SGCZ: variants seen among roughly 807,000 people sequenced by gnomAD.
The protein encoded by SGCZ is zeta-sarcoglycan.
A neutral mutation model predicts 41.3 loss-of-function variants in SGCZ; 40 were observed. The observed-to-expected ratio is 0.97, with a 90% CI of 0.75 to 1.26. The LOEUF is 1.26. SGCZ is among the 50% of genes most tolerant of loss of function. The pLI is 0.00. For missense variants in SGCZ, 552 were observed against 369.8 expected (o/e 1.49, Z -4.04); for synonymous variants, 206 against 137.5 (o/e 1.50, Z -3.49).
At chr8:15,234,880 C>G (rs905677637) in intron 1 of SGCZ, among the ~76,000 whole-genome samples, 3 of 151,918 alleles carry the variant, frequency 2.0e-5, no homozygotes, top group Non-Finnish European at 4.4e-5. Context: ...AACAATGACA[C>G]TGATCATCTA....
intron 1 of SGCZ, among the ~76,000 whole-genome samples, chr8:14,829,470 G>C (rs114874547): frequency 5.3e-5 from 8 of 152,008 alleles, no homozygotes; most frequent in African/African-American, 9.7e-5. Flanking sequence ...ACTTCTTGAA[G>C]TCCCCTTGTA....
chr8:14,845,280 T>C lies in SGCZ; in HGVS notation c.40-290354A>G, dbSNP rs115191435. 7.0e-3 allele frequency among the ~76,000 whole-genome samples: 1,066 copies of C among 152,198 alleles called. 13 individuals are homozygous for C. The highest frequency in any genetic ancestry group is 0.025 in the African/African-American group (1,024 of 41,510). On this transcript the variant is annotated intron_variant, in intron 1 of 7. Transcript: ENST00000382080. Reference sequence around the variant, plus strand: ...TGTCTCAGTAGTAGGGAATAATTATTCCTACACTGAGTACTGCTCCAGACA... The same window carrying C: ...TGTCTCAGTAGTAGGGAATAATTATCCCTACACTGAGTACTGCTCCAGACA...
intron 1 of SGCZ, among the ~76,000 whole-genome samples, chr8:14,756,571 G>A (rs746046653): frequency 2.0e-5 from 3 of 152,132 alleles, no homozygotes; most frequent in Non-Finnish European, 4.4e-5. Flanking sequence ...ACATCATTAT[G>A]AGTTTGCATT....
chr8:14,106,610 CTT>C (rs1305754715), intron 6 of SGCZ, among the ~76,000 whole-genome samples: 2 of 152,218 alleles, frequency 1.3e-5, no homozygotes, highest in East Asian at 3.9e-4. Flanking sequence ...AGATTTTCAA[CTT>C]TATTTATTTT....
rs139165235 is a variant in SGCZ at position 14,798,200 on chromosome 8, C to G, written c.40-243274G>C. On this transcript the variant is annotated intron_variant, in intron 1 of 7. Coordinates refer to ENST00000382080, the MANE Select transcript of SGCZ (RefSeq NM_139167.4). ...TTATGTACAGAAATCGTTTTAAAAA[C>G]TCCCACCCAGTTGATATAAAAAATC... Among the ~76,000 whole-genome samples, 604 of 152,284 alleles carry G rather than the reference C, an allele frequency of 4.0e-3. 6 individuals carry two copies. Among genetic ancestry groups the G allele is most frequent in the Non-Finnish European group, 5.1e-3 (350 of 68,016 alleles).
intron 4 of SGCZ, among the ~76,000 whole-genome samples, chr8:14,237,197 T>A (rs978188068): frequency 6.6e-6 from 1 of 152,102 alleles, no homozygotes; most frequent in Non-Finnish European, 1.5e-5. Flanking sequence ...TCAAGAGTAA[T>A]GACCAGCAAA....
At position 14,185,442 on chromosome 8, in the gene SGCZ, G is replaced by A. The variant is rs988646787; in HGVS notation, c.425-20740C>T. 5.9e-5 allele frequency among the ~76,000 whole-genome samples: 9 copies of A among 151,898 alleles called. No homozygotes were observed. The East Asian group carries it at 1.2e-3, about 20-fold the overall frequency. On this transcript the variant is annotated intron_variant, in intron 4 of 7. Transcript: ENST00000382080. ...AATAAAATAAAAAAACAAAAAATCT[G>A]GCTTTCATTCTCATTACTCAGCTTC...
At chr8:14,103,308 T>C (rs1013323224) in intron 6 of SGCZ, among the ~76,000 whole-genome samples, 2 of 152,088 alleles carry the variant, frequency 1.3e-5, no homozygotes, top group African/African-American at 4.8e-5. Flanking sequence ...GGAACTAGAA[T>C]ACAGTGGTAA....
At chr8:14,834,338 T>C (rs985417606) in intron 1 of SGCZ, among the ~76,000 whole-genome samples, 5 of 152,218 alleles carry the variant, frequency 3.3e-5, no homozygotes, top group African/African-American at 1.2e-4. Flanking sequence ...TTGCAAAAAT[T>C]ATTTTGGTAA....
At chr8:14,162,570 TCTC>T (rs1175440021) in intron 5 of SGCZ, 1 of 152,256 alleles carries the variant, frequency 6.6e-6, no homozygotes, top group Non-Finnish European at 1.5e-5. Context: ...TTGTCCCTGC[TCTC>T]CTAACTCAGG....
At chr8:14,632,198 T>A (rs1298839741) in intron 1 of SGCZ, among the ~76,000 whole-genome samples, 1 of 151,886 alleles carries the variant, frequency 6.6e-6, no homozygotes, top group Non-Finnish European at 1.5e-5. Flanking sequence ...TTTAAGATTT[T>A]TTTTTATAGA....
intron 4 of SGCZ, among the ~76,000 whole-genome samples, chr8:14,208,955 T>C (rs1805706783): frequency 6.6e-6 from 1 of 152,116 alleles, no homozygotes; most frequent in East Asian, 1.9e-4. Flanking sequence ...GCCTGTAAAA[T>C]CAAGCTGCAG....
chr8:14,371,920 C>G (rs62497839), intron 2 of SGCZ, among the ~76,000 whole-genome samples: 29,312 of 151,890 alleles, frequency 0.19, 3,542 homozygotes, highest in Non-Finnish European at 0.28. Flanking sequence ...TCAATATAGG[C>G]TGGAATAAAC....
chr8:14,364,966 C>G (rs1803645228), intron 2 of SGCZ, among the ~76,000 whole-genome samples: 1 of 152,064 alleles, frequency 6.6e-6, no homozygotes, highest in African/African-American at 2.4e-5. Flanking sequence ...TTCCATAGCT[C>G]TCATGTTTCA....
rs147031304 is a variant in SGCZ at position 14,541,021 on chromosome 8, T to C, written c.234+13711A>G. Among the ~76,000 whole-genome samples, 199 of 150,992 alleles carry C rather than the reference T, an allele frequency of 1.3e-3. 2 individuals are homozygous for C. In the East Asian group the frequency reaches 0.022, roughly 17 times the overall value. On this transcript the variant is annotated intron_variant, in intron 2 of 7. Coordinates refer to ENST00000382080, the MANE Select transcript of SGCZ (RefSeq NM_139167.4). ...ATGTATATATAGAGATGAGAACATA[T>C]ATATGTATATATGTATATATAATAC...
chr8:15,200,845 C>A (rs1211393178), intron 1 of SGCZ, among the ~76,000 whole-genome samples: 1 of 152,176 alleles, frequency 6.6e-6, no homozygotes, highest in Non-Finnish European at 1.5e-5. Context: ...TGCCTGAGTT[C>A]TAATCCATTC....
At chr8:14,188,395 C>T (rs372423196) in intron 4 of SGCZ, among the ~76,000 whole-genome samples, 17 of 151,852 alleles carry the variant, frequency 1.1e-4, no homozygotes, top group East Asian at 7.7e-4. Context: ...ATACGTACTG[C>T]AACATTAGTA....
chr8:14,227,974 T>C (rs77509298), intron 4 of SGCZ, among the ~76,000 whole-genome samples: 2,080 of 152,156 alleles, frequency 0.014, 22 homozygotes, highest in Non-Finnish European at 0.02. Context: ...GCAATTAGTA[T>C]TGTTGTGCAG....
chr8:14,420,061 A>G (rs745447338), intron 2 of SGCZ, among the ~76,000 whole-genome samples: 9 of 152,024 alleles, frequency 5.9e-5, no homozygotes, highest in Non-Finnish European at 1.0e-4. Context: ...TGTACAGACT[A>G]TATTAATCTC....
Sources: gnomAD v4.1 joint callset for allele counts (sites outside exome capture counted in the v4.1 genomes callset) on GRCh38, gnomAD v4.1.1 for gene constraint, MANE v1.5 for transcripts, NCBI Gene and HGNC (gene_info 2026-07-23, HGNC 2026-07-21) for gene names.